Variants in FLRT2 observed in about 807,000 individuals in gnomAD.
FLRT2 encodes leucine-rich repeat transmembrane protein FLRT2.
Under a neutral mutation model 40.0 loss-of-function variants are expected in FLRT2, and 15 were observed. The observed-to-expected ratio is 0.38, with a 90% confidence interval of 0.25 to 0.58. The LOEUF is 0.58. Among genes scored for constraint, FLRT2 ranks in the 20% least tolerant of loss-of-function variants. FLRT2 has a pLI of 0.71. For synonymous variants in FLRT2, 380 were observed against 336.8 expected, an observed-to-expected ratio of 1.13 and a Z score of -1.41; for missense variants, 726 against 840.0, an observed-to-expected ratio of 0.86 and a Z score of 1.68.
intron 1 of FLRT2, among the ~76,000 whole-genome samples, chr14:85,582,289 G>A (rs1181280637): frequency 1.3e-5 from 2 of 152,080 alleles, no homozygotes; most frequent in Non-Finnish European, 2.9e-5. Context: ...GTGTAGTTGT[G>A]GTTTGTTTCA....
chr14:85,582,250 T>C (rs1409600962), intron 1 of FLRT2, among the ~76,000 whole-genome samples: 1 of 152,222 alleles, frequency 6.6e-6, no homozygotes, highest in Non-Finnish European at 1.5e-5. Context: ...TGTGATTATA[T>C]GATATATGTG....
At chr14:85,617,019 TAAG>T (rs1893167443) in intron 1 of FLRT2, among the ~76,000 whole-genome samples, 1 of 152,086 alleles carries the variant, frequency 6.6e-6, no homozygotes, top group Admixed American at 6.6e-5. Flanking sequence ...AAAGCACTTG[TAAG>T]AAGGTGTGTG....
Position 85,622,993 on chromosome 14 carries a change from A to G in FLRT2, c.1479A>G (p.Leu493=), listed in dbSNP as rs1270005413. ...LEPRSTYRIC[L]VPLDAFNYRA... ...CCCGATCCACCTATCGGATTTGTTTAGTGCCACTGGATGCTTTTAACTACC... is the reference window on the plus strand; with the variant it reads ...CCCGATCCACCTATCGGATTTGTTTGGTGCCACTGGATGCTTTTAACTACC... The change falls in exon 2 of 2, where the codon TTA becomes TTG. Residue 493 remains leucine (L), a synonymous_variant. Coordinates refer to ENST00000330753, the MANE Select transcript of FLRT2 (RefSeq NM_013231.6). The G allele has an allele frequency of 9.3e-6, 15 of 1,614,078 alleles. No homozygotes were observed. Among genetic ancestry groups the G allele is most frequent in the East Asian group, 6.7e-5 (3 of 44,886 alleles).
At position 85,546,295 on chromosome 14, in the gene FLRT2, CATTCCTTA is replaced by C. The variant is rs1430135285; in HGVS notation, c.-377+15769_-377+15776del. Among the ~76,000 whole-genome samples, 7 of 152,246 alleles carry C rather than the reference CATTCCTTA, an allele frequency of 4.6e-5. No individual in the cohort carries two copies. In the South Asian group the frequency reaches 1.5e-3, roughly 32 times the overall value. ...TTAATACTGTCGAAATTATGTGATC[CATTCCTTA>C]ATTCCTTCACTTCCCTTTAAGTAGC... On this transcript the variant is annotated intron_variant, in intron 1 of 1. Coordinates refer to ENST00000330753, the MANE Select transcript of FLRT2 (RefSeq NM_013231.6).
chr14:85,615,523 C>T (rs944324091), intron 1 of FLRT2, among the ~76,000 whole-genome samples: 14 of 151,890 alleles, frequency 9.2e-5, no homozygotes, highest in Admixed American at 4.6e-4. Flanking sequence ...TCCCTTGTTT[C>T]TTTCTCTTTA....
chr14:85,532,593 G>A (rs1888353313), intron 1 of FLRT2, among the ~76,000 whole-genome samples: 1 of 152,150 alleles, frequency 6.6e-6, no homozygotes, highest in South Asian at 2.1e-4. Flanking sequence ...GCAATCTATG[G>A]GGAAATTTAA....
intron 1 of FLRT2, among the ~76,000 whole-genome samples, chr14:85,602,849 A>T (rs528661994): frequency 6.6e-6 from 1 of 152,292 alleles, no homozygotes; most frequent in East Asian, 1.9e-4. Context: ...TTACATAGAA[A>T]TCTACTATAA....
chr14:85,576,187 C>A (rs545988029), intron 1 of FLRT2, among the ~76,000 whole-genome samples: 1 of 152,288 alleles, frequency 6.6e-6, no homozygotes, highest in South Asian at 2.1e-4. Context: ...TCTGGCTGAC[C>A]GTGGCCGCCT....
intron 1 of FLRT2, among the ~76,000 whole-genome samples, chr14:85,548,785 A>T (rs1293259045): frequency 1.3e-5 from 2 of 152,184 alleles, no homozygotes; most frequent in Non-Finnish European, 2.9e-5. Context: ...TCAAGCCTGG[A>T]CCCATGGCCC....
At chr14:85,576,826 G>A (rs1037596145) in intron 1 of FLRT2, among the ~76,000 whole-genome samples, 3 of 152,224 alleles carry the variant, frequency 2.0e-5, no homozygotes. Context: ...GTACCTGAAA[G>A]AGCATTGACA....
Position 85,640,852 on chromosome 14 carries a change from C to G in FLRT2, c.*17355C>G, listed in dbSNP as rs1014855226. ...CACAAACGTTTCTAAAATACAGATC[C>G]TACCTTAGGCTTTTCGGCTGCACAG... On this transcript the variant is annotated 3_prime_UTR_variant, in exon 2 of 2. Transcript: ENST00000330753. The G allele has an allele frequency of 6.6e-6, 1 of 152,168 alleles. No individual in the cohort carries two copies. The highest frequency in any genetic ancestry group is 6.6e-5 in the Admixed American group (1 of 15,260). The allele number at this position is 152,168 out of a possible 1,614,324, so 9.4% of individuals were successfully genotyped here.
At position 85,638,985 on chromosome 14, in the gene FLRT2, C is replaced by G. The variant is rs943203780; in HGVS notation, c.*15488C>G. The G allele has an allele frequency of 1.3e-5, 2 of 152,224 alleles. No homozygotes were observed. The highest frequency in any genetic ancestry group is 2.4e-5 in the African/African-American group (1 of 41,448). The allele number at this position is 152,224 out of a possible 1,614,324, so 9.4% of individuals were successfully genotyped here. On this transcript the variant is annotated 3_prime_UTR_variant, in exon 2 of 2. Coordinates refer to ENST00000330753, the MANE Select transcript of FLRT2 (RefSeq NM_013231.6). Reference sequence around the variant, plus strand: ...CCCAGTGAAACCAAGTTTATCAACTCTATCTGAAAATAAAAATGTCCAAGA... The same window carrying G: ...CCCAGTGAAACCAAGTTTATCAACTGTATCTGAAAATAAAAATGTCCAAGA...
chr14:85,593,436 C>A (rs1891992419), intron 1 of FLRT2, among the ~76,000 whole-genome samples: 4 of 151,684 alleles, frequency 2.6e-5, no homozygotes, highest in Admixed American at 2.6e-4. Flanking sequence ...GCATGTCATA[C>A]CTTTCACAGG....
chr14:85,584,390 A>G (rs918991948), intron 1 of FLRT2, among the ~76,000 whole-genome samples: 6 of 152,252 alleles, frequency 3.9e-5, no homozygotes, highest in African/African-American at 2.4e-5. Context: ...GTGATGGCCA[A>G]TCAAAGCTGT....
intron 1 of FLRT2, among the ~76,000 whole-genome samples, chr14:85,586,141 A>G (rs1055845554): frequency 1.3e-5 from 2 of 148,498 alleles, no homozygotes; most frequent in Admixed American, 1.4e-4. Context: ...TATATAATAC[A>G]CATATGTATA....
At chr14:85,538,327 T>C (rs1888791932) in intron 1 of FLRT2, among the ~76,000 whole-genome samples, 1 of 152,194 alleles carries the variant, frequency 6.6e-6, no homozygotes, top group Non-Finnish European at 1.5e-5. Flanking sequence ...TCAGTTATTC[T>C]GCTGATACTT....
At position 85,653,987 on chromosome 14, in the gene FLRT2, C is replaced by A. The variant is rs1249049479; in HGVS notation, c.*30490C>A. The A allele has an allele frequency of 6.6e-6, 1 of 152,154 alleles. No homozygotes were observed. The highest frequency in any genetic ancestry group is 1.5e-5 in the Non-Finnish European group (1 of 68,022). The allele number at this position is 152,154 out of a possible 1,614,324, so 9.4% of individuals were successfully genotyped here. ...CTAAATGCTATTGCTCACCTCAAGT[C>A]AATGTCACTTTGTATTAATGGATTT... On this transcript the variant is annotated 3_prime_UTR_variant, in exon 2 of 2. Coordinates refer to ENST00000330753, the MANE Select transcript of FLRT2 (RefSeq NM_013231.6).
rs1645363725 is a variant in FLRT2 at position 85,631,104 on chromosome 14, T to A, written c.*7607T>A. 2.6e-5 allele frequency: 1 copy of A among 38,638 alleles called. No homozygotes were observed. Among genetic ancestry groups the A allele is most frequent in the African/African-American group, 2.2e-4 (1 of 4,594 alleles). 2.4% of individuals were successfully genotyped at this position (38,638 alleles called of 1,614,324 possible). A position where few individuals can be genotyped will look rare whatever the true frequency, so the allele number is the denominator to read the frequency against. On this transcript the variant is annotated 3_prime_UTR_variant, in exon 2 of 2. Transcript: ENST00000330753. ...TATATATATATAATTACATATATAA[T>A]CTAGATTTTATATATATATATATAT...
chr14:85,579,925 ATTTTTT>A (rs4015970), intron 1 of FLRT2, among the ~76,000 whole-genome samples: 34 of 117,584 alleles, frequency 2.9e-4, no homozygotes, highest in Non-Finnish European at 4.1e-4. Flanking sequence ...GGGTATTAGA[ATTTTTT>A]TTTTTTTTTT....
Sources: gnomAD v4.1 joint callset for allele counts (sites outside exome capture counted in the v4.1 genomes callset) on GRCh38, gnomAD v4.1.1 for gene constraint, MANE v1.5 for transcripts, NCBI Gene and HGNC (gene_info 2026-07-23, HGNC 2026-07-21) for gene names.